Variants in ZNF362 observed in about 807,000 individuals in gnomAD.
ZNF362 encodes zinc finger protein 362.
In ZNF362, 11 loss-of-function variants were observed where a neutral mutation model predicts 42.9. That is an observed-to-expected ratio of 0.26 (90% CI 0.16 to 0.42). The LOEUF (loss-of-function observed/expected upper bound fraction) is 0.42. Among genes scored for constraint, ZNF362 ranks in the 20% least tolerant of loss-of-function variants. The pLI is 1.00. For missense variants in ZNF362, 362 were observed against 576.2 expected (o/e 0.63, Z 3.81); for synonymous variants, 255 against 257.3 (o/e 0.99, Z 0.09).
chr1:33,158,321 G>A, the ZNF362 span: 21 of 1,613,954 alleles, frequency 1.3e-5, no homozygotes, highest in South Asian at 7.7e-5. Flanking sequence ...CTTGGAGGTC[G>A]GGAAGTCTTC....
the ZNF362 span, among the ~76,000 whole-genome samples, chr1:33,189,634 CATATATATAT>C: frequency 0.01 from 571 of 55,538 alleles, 25 homozygotes; most frequent in African/African-American, 0.032. Context: ...CACATTCCAG[CATATATATAT>C]ATATATATAT....
At chr1:33,172,248 A>C in the ZNF362 span, among the ~76,000 whole-genome samples, 1 of 152,080 alleles carries the variant, frequency 6.6e-6, no homozygotes, top group African/African-American at 2.4e-5. Flanking sequence ...GAACGGGGGG[A>C]GCTTCAAGGA....
the ZNF362 span, chr1:33,195,494 A>T: frequency 1.3e-5 from 2 of 152,238 alleles, no homozygotes; most frequent in African/African-American, 4.8e-5. Context: ...GAGGATACTT[A>T]CACAAACCTG....
chr1:33,223,257 C>T, the ZNF362 span, among the ~76,000 whole-genome samples: 27 of 152,120 alleles, frequency 1.8e-4, no homozygotes, highest in African/African-American at 6.5e-4. Flanking sequence ...CTCAAAAAAA[C>T]AAAAACCAAA....
At chr1:33,135,441 C>G in the ZNF362 span, among the ~76,000 whole-genome samples, 1 of 152,216 alleles carries the variant, frequency 6.6e-6, no homozygotes, top group Non-Finnish European at 1.5e-5. Context: ...CCACCTGGCA[C>G]GTGGCAGTCC....
intron 1 of ZNF362, among the ~76,000 whole-genome samples, chr1:33,263,413 ATT>A (rs1215525000): frequency 2.1e-5 from 3 of 144,322 alleles, no homozygotes; most frequent in Middle Eastern, 3.6e-3. Flanking sequence ...ACAAATGATG[ATT>A]TTTTTTTTTT....
At chr1:33,256,176 G>A (rs1477409648), upstream of ZNF362, among the ~76,000 whole-genome samples, 1 of 143,026 alleles carries the variant, frequency 7.0e-6, no homozygotes. Flanking sequence ...AGGCGGTGGC[G>A]GCGGCGGCGG....
Position 33,278,405 on chromosome 1 carries a change from G to A in ZNF362, c.350-1719G>A, listed in dbSNP as rs141388684. On this transcript the variant is annotated intron_variant, in intron 4 of 8. Transcript: ENST00000539719. ...CATTATAGAAAATTTGGAAATTGCCGATAAGCTGAAAGGAGAAAAAATAGC... is the reference window on the plus strand; with the variant it reads ...CATTATAGAAAATTTGGAAATTGCCAATAAGCTGAAAGGAGAAAAAATAGC... 7.8e-4 allele frequency among the ~76,000 whole-genome samples: 119 copies of A among 152,234 alleles called. 1 individual carries two copies. In the East Asian group the frequency reaches 0.019, roughly 24 times the overall value.
chr1:33,180,472 T>C, the ZNF362 span, among the ~76,000 whole-genome samples: 18 of 152,090 alleles, frequency 1.2e-4, no homozygotes, highest in Non-Finnish European at 2.5e-4. Flanking sequence ...ACCACTCTAT[T>C]AGGTTTCACC....
chr1:33,216,075 T>C, the ZNF362 span, among the ~76,000 whole-genome samples: 100,879 of 142,484 alleles, frequency 0.71, 36,223 homozygotes, highest in Non-Finnish European at 0.76. Flanking sequence ...GCTGTACTTA[T>C]ACTGAAAGTG....
the ZNF362 span, among the ~76,000 whole-genome samples, chr1:33,174,106 T>G: frequency 3.9e-5 from 6 of 152,188 alleles, no homozygotes; most frequent in African/African-American, 1.4e-4. Flanking sequence ...ACATTTATAT[T>G]CTTTTCCCCC....
the ZNF362 span, among the ~76,000 whole-genome samples, chr1:33,235,929 C>A: frequency 2.0e-5 from 3 of 152,152 alleles, no homozygotes; most frequent in Non-Finnish European, 2.9e-5. Context: ...GCACAGAAAT[C>A]CAACTTAAAG....
the ZNF362 span, among the ~76,000 whole-genome samples, chr1:33,224,197 G>A: frequency 6.6e-6 from 1 of 152,054 alleles, no homozygotes; most frequent in African/African-American, 2.4e-5. Context: ...AAGTAACAGT[G>A]ATAAATAAAT....
the ZNF362 span, among the ~76,000 whole-genome samples, chr1:33,248,240 G>C: frequency 2.0e-5 from 3 of 152,190 alleles, no homozygotes; most frequent in Non-Finnish European, 4.4e-5. Context: ...CAAGCTCACT[G>C]TAGGATTTAA....
In ZNF362 at chr1:33,285,447, G is replaced by A. The variant is rs142103448; in HGVS notation, c.908+3636G>A. 5.3e-3 allele frequency among the ~76,000 whole-genome samples: 802 copies of A among 152,184 alleles called. 11 individuals are homozygous for A. The highest frequency in any genetic ancestry group is 0.016 in the African/African-American group (668 of 41,512). ...CAAAAAAATGTTATTGGCAGCAAGC[G>A]CACTGGCCCATCTTCAGGGTCTTTT... On this transcript the variant is annotated intron_variant, in intron 6 of 8. Coordinates refer to ENST00000539719, the MANE Select transcript of ZNF362 (RefSeq NM_152493.3).
the ZNF362 span, chr1:33,176,629 C>T: frequency 2.6e-5 from 13 of 507,496 alleles, no homozygotes; most frequent in African/African-American, 5.7e-5. Flanking sequence ...TCAGCTGGCA[C>T]AGATGGCCTA....
the ZNF362 span, among the ~76,000 whole-genome samples, chr1:33,135,506 C>G: frequency 6.6e-6 from 1 of 152,210 alleles, no homozygotes; most frequent in East Asian, 1.9e-4. Context: ...TCATTTCATT[C>G]TCACAGCAAC....
the ZNF362 span, among the ~76,000 whole-genome samples, chr1:33,160,283 G>A: frequency 6.6e-6 from 1 of 152,114 alleles, no homozygotes; most frequent in African/African-American, 2.4e-5. Context: ...AAAGGAGCTG[G>A]GGATAATGCC....
At chr1:33,147,738 TGGA>T in the ZNF362 span, 1 of 1,604,240 alleles carries the variant, frequency 6.2e-7, no homozygotes, top group Non-Finnish European at 8.5e-7. This position sits in a 1 kb window ranked among gnomAD's most constrained non-coding sequence, Gnocchi z 8.1. Flanking sequence ...CTGTGGGGGT[TGGA>T]GGAGGGAGAG....
Sources: gnomAD v4.1 joint callset for allele counts (sites outside exome capture counted in the v4.1 genomes callset) on GRCh38, gnomAD v4.1.1 for gene constraint, Gnocchi (gnomAD v3.1) non-coding constraint, MANE v1.5 for transcripts, NCBI Gene and HGNC (gene_info 2026-07-23, HGNC 2026-07-21) for gene names.